The following DRC8 variants were observed in gnomAD, a reference collection of about 807,000 sequenced individuals.
DRC8 encodes the protein dynein regulatory complex protein 8.
chr1:245,045,524 G>A, the DRC8 span, among the ~76,000 whole-genome samples: 11 of 152,170 alleles, frequency 7.2e-5, no homozygotes, highest in Admixed American at 4.6e-4. Flanking sequence ...CCAAATACCC[G>A]CTAGCAGTTT....
At chr1:244,972,170 A>G in the DRC8 span, among the ~76,000 whole-genome samples, 1 of 152,198 alleles carries the variant, frequency 6.6e-6, no homozygotes, top group Non-Finnish European at 1.5e-5. Flanking sequence ...ATTCAGAGAA[A>G]CAATTTTGTC....
chr1:245,065,234 G>A, the DRC8 span, among the ~76,000 whole-genome samples: 1 of 149,894 alleles, frequency 6.7e-6, no homozygotes, highest in Non-Finnish European at 1.5e-5. Flanking sequence ...TGTATTTTCA[G>A]TAGAGATGGC....
At chr1:245,100,511 T>G in the DRC8 span, among the ~76,000 whole-genome samples, 28 of 152,228 alleles carry the variant, frequency 1.8e-4, no homozygotes, top group East Asian at 3.7e-3. Context: ...CCTGGCACAG[T>G]GGCTTATGCC....
the DRC8 span, among the ~76,000 whole-genome samples, chr1:245,092,770 C>T: frequency 1.2e-4 from 18 of 152,286 alleles, no homozygotes; most frequent in Non-Finnish European, 2.1e-4. Flanking sequence ...CTGCTGCTTA[C>T]TGATTACGTA....
At chr1:245,087,363 G>C in the DRC8 span, 1 of 1,573,400 alleles carries the variant, frequency 6.4e-7, no homozygotes, top group East Asian at 2.3e-5. Context: ...AAAATTAAAT[G>C]TTCTAAAGAT....
At chr1:245,008,295 T>C in the DRC8 span, among the ~76,000 whole-genome samples, 1 of 152,192 alleles carries the variant, frequency 6.6e-6, no homozygotes, top group Non-Finnish European at 1.5e-5. Context: ...AAAAAAATCA[T>C]TATGTTAAAA....
At chr1:245,015,482 G>A in the DRC8 span, among the ~76,000 whole-genome samples, 3 of 152,070 alleles carry the variant, frequency 2.0e-5, no homozygotes, top group Non-Finnish European at 4.4e-5. Flanking sequence ...AGGCTGAGGC[G>A]GGTGGATAAT....
chr1:245,094,765 A>T, the DRC8 span, among the ~76,000 whole-genome samples: 1 of 152,320 alleles, frequency 6.6e-6, no homozygotes, highest in African/African-American at 2.4e-5. Context: ...AAATTACTAG[A>T]GTGGCTCCCA....
chr1:245,078,319 C>T, the DRC8 span, among the ~76,000 whole-genome samples: 2 of 152,176 alleles, frequency 1.3e-5, no homozygotes, highest in African/African-American at 2.4e-5. Flanking sequence ...CCAACAATCC[C>T]ACTTATGGGT....
At chr1:245,108,781 T>C in the DRC8 span, among the ~76,000 whole-genome samples, 1 of 152,124 alleles carries the variant, frequency 6.6e-6, no homozygotes, top group Non-Finnish European at 1.5e-5. Context: ...TCTACTCCTA[T>C]AATACGAGAT....
the DRC8 span, among the ~76,000 whole-genome samples, chr1:245,099,288 G>T: frequency 6.6e-6 from 1 of 152,158 alleles, no homozygotes; most frequent in Non-Finnish European, 1.5e-5. Flanking sequence ...TTCTCTCAAG[G>T]GGGGGCTTTT....
the DRC8 span, among the ~76,000 whole-genome samples, chr1:245,079,049 T>C: frequency 6.6e-6 from 1 of 152,218 alleles, no homozygotes; most frequent in Non-Finnish European, 1.5e-5. Context: ...TATCTAAAAC[T>C]ATTCTAAAAT....
chr1:245,059,960 C>A, the DRC8 span, among the ~76,000 whole-genome samples: 142,362 of 152,260 alleles, frequency 0.93, 67,033 homozygotes, highest in Non-Finnish European at 1. Flanking sequence ...GAGCAGCCCA[C>A]GATGAGAGTG....
chr1:244,983,709 C>T, the DRC8 span, among the ~76,000 whole-genome samples: 352 of 139,742 alleles, frequency 2.5e-3, 4 homozygotes, highest in African/African-American at 9.2e-3. Context: ...CATTGTACTC[C>T]AGCCTGGGCA....
the DRC8 span, among the ~76,000 whole-genome samples, chr1:245,046,877 A>G: frequency 0.035 from 5,349 of 152,178 alleles, 329 homozygotes; most frequent in African/African-American, 0.12. Flanking sequence ...CTGGGCAACT[A>G]TGTCAACAAA....
chr1:244,979,394 C>T, the DRC8 span, among the ~76,000 whole-genome samples: 7 of 148,120 alleles, frequency 4.7e-5, no homozygotes, highest in Admixed American at 4.8e-4. Flanking sequence ...CAACCTCTGC[C>T]TCCTGGGTTC....
chr1:244,989,777 A>C, the DRC8 span, among the ~76,000 whole-genome samples: 26 of 152,304 alleles, frequency 1.7e-4, no homozygotes, highest in African/African-American at 5.8e-4. Context: ...TCTGAACAGA[A>C]GATTTGTATC....
chr1:244,970,757 C>T, the DRC8 span: 2 of 428,146 alleles, frequency 4.7e-6, no homozygotes, highest in East Asian at 3.9e-5. Context: ...TCTTCACCCT[C>T]TTCCCCTCCT....
the DRC8 span, among the ~76,000 whole-genome samples, chr1:245,002,753 ATTT>A: frequency 2.1e-5 from 3 of 144,720 alleles, no homozygotes; most frequent in Admixed American, 6.9e-5. Context: ...TTTCTGGAAG[ATTT>A]TTTTTTTTTT....
Sources: allele counts gnomAD v4.1 joint callset (sites outside exome capture counted in the v4.1 genomes callset), GRCh38; gene constraint gnomAD v4.1.1; transcripts MANE v1.5; gene names NCBI Gene and HGNC (gene_info 2026-07-23, HGNC 2026-07-21).